LIPA: variants seen among roughly 807,000 people sequenced by gnomAD.
LIPA encodes lysosomal acid lipase/cholesteryl ester hydrolase.
LIPA carries 26 observed loss-of-function variants against 40.6 expected under a neutral mutation model. The observed-to-expected ratio is 0.64, with a 90% confidence interval of 0.47 to 0.89. The LOEUF (loss-of-function observed/expected upper bound fraction) is 0.89, where lower values mean the gene tolerates loss of function less well. LIPA is among the 40% of genes least tolerant of loss of function. The probability of loss-of-function intolerance (pLI) is 0.00; values close to 1 mark genes in which losing one functional copy is unlikely to be tolerated. For missense variants in LIPA, 455 were observed against 479.6 expected, an observed-to-expected ratio of 0.95 and a Z score of 0.48; for synonymous variants, 188 against 168.4, an observed-to-expected ratio of 1.12 and a Z score of -0.90.
At chr10:89,408,596 A>C (rs1347300608) in intron 2 of LIPA, among the ~76,000 whole-genome samples, 2 of 152,194 alleles carry the variant, frequency 1.3e-5, no homozygotes, top group Non-Finnish European at 2.9e-5. Context: ...ATTTGGCCCA[A>C]CCTGGGTACA....
At chr10:89,302,241 G>C in intron 1 of LIPA, 2 of 1,039,658 alleles carry the variant, frequency 1.9e-6, no homozygotes, top group Admixed American at 3.5e-5. Flanking sequence ...TTTGTTTATA[G>C]CCTTACTATG....
At chr10:89,234,739 C>A (rs1334850607) in intron 3 of LIPA, among the ~76,000 whole-genome samples, 1 of 152,232 alleles carries the variant, frequency 6.6e-6, no homozygotes, top group African/African-American at 2.4e-5. Flanking sequence ...GAAGGTAAAA[C>A]CTATTGCTGT....
upstream of LIPA, among the ~76,000 whole-genome samples, chr10:89,252,731 G>C (rs1843145658): frequency 6.6e-6 from 1 of 151,670 alleles, no homozygotes; most frequent in Non-Finnish European, 1.5e-5. Context: ...GCTTGAACCA[G>C]GTAGGTGGAG....
chr10:89,315,171 C>A (rs563663467), intron 1 of LIPA, among the ~76,000 whole-genome samples: 18 of 152,236 alleles, frequency 1.2e-4, no homozygotes, highest in African/African-American at 4.3e-4. Flanking sequence ...ATATATGGGA[C>A]CCTCTAAAGC....
At chr10:89,233,218 G>A (rs1432213741) in intron 3 of LIPA, among the ~76,000 whole-genome samples, 1 of 152,180 alleles carries the variant, frequency 6.6e-6, no homozygotes, top group Non-Finnish European at 1.5e-5. Flanking sequence ...TGCAGCAGAT[G>A]GGAAGGAAAC....
intron 1 of LIPA, among the ~76,000 whole-genome samples, chr10:89,333,450 A>G (rs1843681152): frequency 6.6e-6 from 1 of 152,208 alleles, no homozygotes; most frequent in Non-Finnish European, 1.5e-5. Flanking sequence ...CCTTAAATGC[A>G]TACAAGGCTT....
chr10:89,397,642 C>T (rs934604113), intron 2 of LIPA, among the ~76,000 whole-genome samples: 1 of 152,076 alleles, frequency 6.6e-6, no homozygotes, highest in Admixed American at 6.5e-5. Flanking sequence ...TCCCAAAGTG[C>T]TAAGATTATA....
rs200110742 is a variant in LIPA at position 89,219,172 on chromosome 10, G to GA, written c.895-3164dup. ...CCAAAAGTATGTTTTTTCCTTTAAA[G>GA]AAAAAAAAAAGAGCACATCGTAATC... On this transcript the variant is annotated intron_variant, in intron 8 of 9. Coordinates refer to ENST00000336233, the MANE Select transcript of LIPA (RefSeq NM_000235.4). 3.9e-3 allele frequency among the ~76,000 whole-genome samples: 571 copies of GA among 146,316 alleles called. 1 individual carries two copies. The highest frequency in any genetic ancestry group is 0.012 in the African/African-American group (497 of 39,908).
rs200060906 is a variant in LIPA at position 89,394,577 on chromosome 10, AATATAT to A, written c.61+18208_61+18213del. 3.9e-3 allele frequency among the ~76,000 whole-genome samples: 426 copies of A among 108,610 alleles called. 1 individual carries two copies. Among genetic ancestry groups the A allele is most frequent in the Middle Eastern group, 0.011 (2 of 182 alleles). The allele number at this position is 108,610 out of a possible 152,430, so 71.3% of individuals were successfully genotyped here. A position where few individuals can be genotyped will look rare whatever the true frequency, so the allele number is the denominator to read the frequency against. On this transcript the variant is annotated intron_variant, in intron 2 of 8. Coordinates refer to the LIPA transcript ENST00000371837. ...TTTATGTCAATATGTACTACAGGAA[AATATAT>A]ATATATATATATATATATATATATA... is the stretch of plus-strand genomic sequence containing the variant.
chr10:89,384,199 A>T, intron 2 of LIPA: 1 of 1,614,188 alleles, frequency 6.2e-7, no homozygotes, highest in Non-Finnish European at 8.5e-7. Context: ...GCTTTGCTAC[A>T]GGGCACAAAT....
chr10:89,269,119 G>T (rs1185178614), intron 1 of LIPA, among the ~76,000 whole-genome samples: 2 of 151,860 alleles, frequency 1.3e-5, no homozygotes, highest in African/African-American at 4.8e-5. Flanking sequence ...GAGGTCAAAA[G>T]ATCGAGACCA....
chr10:89,403,984 C>T (rs1000322054), intron 2 of LIPA: 3 of 310,394 alleles, frequency 9.7e-6, no homozygotes, highest in Non-Finnish European at 1.7e-5. Context: ...TGGACTTACA[C>T]TAAATGTTTA....
intron 2 of LIPA, 114 bp downstream of exon 2, chr10:89,247,422 TTG>T: frequency 4.1e-6 from 2 of 492,630 alleles, no homozygotes; most frequent in Non-Finnish European, 7.4e-6. Context: ...TTCAGAGAAA[TTG>T]AAAAGCAAAG....
At chr10:89,378,020 C>T (rs2133600906) in intron 2 of LIPA, 1 of 1,088,932 alleles carries the variant, frequency 9.2e-7, no homozygotes, top group Non-Finnish European at 1.4e-6. Context: ...GGATATACCT[C>T]CCATATATAA....
intron 1 of LIPA, among the ~76,000 whole-genome samples, chr10:89,270,151 G>A (rs2133492116): frequency 6.6e-6 from 1 of 152,318 alleles, no homozygotes; most frequent in South Asian, 2.1e-4. Context: ...AGCATGTGGT[G>A]TGCCACAATA....
intron 1 of LIPA, among the ~76,000 whole-genome samples, chr10:89,286,337 G>A (rs1359636025): frequency 6.6e-6 from 1 of 151,470 alleles, no homozygotes; most frequent in African/African-American, 2.4e-5. Context: ...TCCTCCCCAG[G>A]CTGCTCCTAG....
At chr10:89,389,724 T>G (rs1441588039) in intron 2 of LIPA, among the ~76,000 whole-genome samples, 1 of 152,194 alleles carries the variant, frequency 6.6e-6, no homozygotes, top group Non-Finnish European at 1.5e-5. Flanking sequence ...AATAACATTC[T>G]TTTTCCATAT....
At chr10:89,307,752 T>C (rs776131315) in intron 1 of LIPA, 19 of 183,556 alleles carry the variant, frequency 1.0e-4, no homozygotes, top group Non-Finnish European at 1.7e-4. Context: ...ATTTTTGCAA[T>C]GTTGTTCCAT....
chr10:89,412,680 G>T, intron 2 of LIPA: 1 of 400,276 alleles, frequency 2.5e-6, no homozygotes, highest in Non-Finnish European at 4.9e-6. Flanking sequence ...GTGAAACCAC[G>T]AACCCACCGG....
Sources: gnomAD v4.1 joint callset for allele counts (sites outside exome capture counted in the v4.1 genomes callset) on GRCh38, gnomAD v4.1.1 for gene constraint, MANE v1.5 for transcripts, NCBI Gene and HGNC (gene_info 2026-07-23, HGNC 2026-07-21) for gene names.